CIBAR1: variants seen among roughly 807,000 people sequenced by gnomAD.
CIBAR1 encodes CBY1-interacting BAR domain-containing protein 1.
A neutral mutation model predicts 44.0 loss-of-function variants in CIBAR1; 25 were observed. The ratio of observed to expected loss-of-function variants is 0.57; its 90% CI spans 0.41 to 0.79. The LOEUF (loss-of-function observed/expected upper bound fraction) is 0.79. CIBAR1 is among the 30% of genes least tolerant of loss of function. The pLI, the probability that CIBAR1 is intolerant of heterozygous loss-of-function variation, is 0.00. For missense variants in CIBAR1, 278 were observed against 344.8 expected, an observed-to-expected ratio of 0.81 and a Z score of 1.53; for synonymous variants, 115 against 119.0, an observed-to-expected ratio of 0.97 and a Z score of 0.22.
In CIBAR1 at chr8:93,728,368, A is replaced by C; in HGVS notation, c.*71A>C. 9.8e-7 allele frequency: 1 copy of C among 1,015,252 alleles called. No individual in the cohort carries two copies. Among genetic ancestry groups the C allele is most frequent in the Non-Finnish European group, 1.4e-6 (1 of 692,586 alleles). 62.9% of individuals were successfully genotyped at this position (1,015,252 alleles called of 1,614,324 possible). A position where few individuals can be genotyped will look rare whatever the true frequency, so the allele number is the denominator to read the frequency against. ...GACTAAATTGTAGAACTTTATACTC[A>C]CTTTGCTATGTTAAGCCTCAAAGTG... On this transcript the variant is annotated 3_prime_UTR_variant, in exon 9 of 9. Transcript: ENST00000518322.
intron 6 of CIBAR1, among the ~76,000 whole-genome samples, chr8:93,711,748 T>C (rs553251421): frequency 3.3e-5 from 5 of 152,346 alleles, no homozygotes; most frequent in African/African-American, 9.6e-5. Context: ...TCATTGTTCC[T>C]CAGACCTGCA....
At chr8:93,726,988 CTT>C (rs1811542637) in intron 8 of CIBAR1, 1 of 418,604 alleles carries the variant, frequency 2.4e-6, no homozygotes, top group Non-Finnish European at 4.6e-6. Context: ...GGCTGACAAA[CTT>C]TTTCTTTAAG....
At chr8:93,702,853 CA>C (rs1425198759) in intron 2 of CIBAR1, among the ~76,000 whole-genome samples, 3 of 151,854 alleles carry the variant, frequency 2.0e-5, no homozygotes, top group African/African-American at 7.3e-5. Flanking sequence ...TCATTTTAAG[CA>C]ATTGAATACA....
Position 93,705,026 on chromosome 8 carries a change from G to C in CIBAR1, c.432+16G>C, listed in dbSNP as rs1432319937. ...ACATGTTATTGTATCCTTTGAATTT[G>C]GGTCTTTAAAAAAATGTTTAAGGTA... On this transcript the variant is annotated intron_variant, in intron 4 of 8. Coordinates refer to ENST00000518322, the MANE Select transcript of CIBAR1 (RefSeq NM_145269.5). 7 of 1,585,638 alleles carry C rather than the reference G, an allele frequency of 4.4e-6. No homozygotes were observed. The highest frequency in any genetic ancestry group is 5.2e-6 in the Non-Finnish European group (6 of 1,156,178).
intron 8 of CIBAR1, 60 bp downstream of exon 8, chr8:93,726,573 C>A: frequency 6.3e-7 from 1 of 1,585,992 alleles, no homozygotes; most frequent in Non-Finnish European, 8.6e-7. Context: ...TTGTTGAGTT[C>A]TAAAAATGTT....
At chr8:93,715,740 A>AT (rs1246624403) in intron 6 of CIBAR1, 3 of 152,112 alleles carry the variant, frequency 2.0e-5, no homozygotes, top group African/African-American at 7.2e-5. Context: ...GATCCATATC[A>AT]TTTTTTTGTT....
chr8:93,706,952 C>A (rs1185837086), intron 4 of CIBAR1, among the ~76,000 whole-genome samples: 1 of 151,996 alleles, frequency 6.6e-6, no homozygotes, highest in Non-Finnish European at 1.5e-5. Context: ...AAATGGAGTC[C>A]CTCTGATAGA....
intron 3 of CIBAR1, among the ~76,000 whole-genome samples, chr8:93,704,042 C>T (rs1310614355): frequency 1.0e-4 from 15 of 148,832 alleles, no homozygotes; most frequent in East Asian, 7.9e-4. Flanking sequence ...CCAGCACAGG[C>T]GACAGTGTGA....
rs766571233 is a variant in CIBAR1, at chr8:93,707,971, T to G, written c.433-40T>G. Reference sequence around the variant, plus strand: ...AAATTTATTGAAAAAGCTGTTATACTCTCTTTGAAATGTATTTTTTCCTTT... The same window carrying G: ...AAATTTATTGAAAAAGCTGTTATACGCTCTTTGAAATGTATTTTTTCCTTT... On this transcript the variant is annotated intron_variant, in intron 4 of 8. Coordinates refer to ENST00000518322, the MANE Select transcript of CIBAR1 (RefSeq NM_145269.5). 1.2e-5 allele frequency: 17 copies of G among 1,459,804 alleles called. No homozygotes were observed. In the South Asian group the frequency reaches 2.1e-4, roughly 18 times the overall value. 90.4% of individuals were successfully genotyped at this position (1,459,804 alleles called of 1,614,324 possible).
intron 6 of CIBAR1, among the ~76,000 whole-genome samples, chr8:93,716,748 A>C (rs2130346546): frequency 6.6e-6 from 1 of 152,198 alleles, no homozygotes; most frequent in Non-Finnish European, 1.5e-5. Context: ...ATACTTGCTT[A>C]TATTTTCTTG....
At chr8:93,704,269 T>A (rs564260670) in intron 3 of CIBAR1, among the ~76,000 whole-genome samples, 1 of 152,314 alleles carries the variant, frequency 6.6e-6, no homozygotes, top group Admixed American at 6.5e-5. Context: ...TATAAGTTTT[T>A]CTTTAAAGCG....
intron 6 of CIBAR1, 85 bp from the exon 7 acceptor site, chr8:93,718,590 C>T: frequency 3.0e-6 from 2 of 656,304 alleles, no homozygotes; most frequent in Non-Finnish European, 2.4e-6. Flanking sequence ...TTATAAAATA[C>T]CAAGACTATA....
intron 7 of CIBAR1, among the ~76,000 whole-genome samples, chr8:93,720,467 T>C (rs535494022): frequency 6.6e-6 from 1 of 152,338 alleles, no homozygotes; most frequent in South Asian, 2.1e-4. Flanking sequence ...CAGTTATATA[T>C]ACATATTTAT....
chr8:93,717,159 T>G (rs1811065515), intron 6 of CIBAR1, among the ~76,000 whole-genome samples: 1 of 152,218 alleles, frequency 6.6e-6, no homozygotes. Flanking sequence ...AGTTTACTTC[T>G]TGAGCATTAA....
At chr8:93,721,020 T>C (rs1413228169) in intron 7 of CIBAR1, 2 of 152,240 alleles carry the variant, frequency 1.3e-5, no homozygotes, top group African/African-American at 2.4e-5. Context: ...AAAGTACTTA[T>C]TTCTGATTTC....
Position 93,728,286 on chromosome 8 carries a change from T to G in CIBAR1, c.859T>G (p.Phe287Val), listed in dbSNP as rs190789560. The change falls in exon 9 of 9, where the codon TTT (phenylalanine) becomes GTT (valine). Residue 287 changes from phenylalanine to valine, a missense_variant. Phe to Val is a conservative substitution (Grantham distance 50). Around this residue, in one of 3 missense-constraint regions of CIBAR1, gnomAD observed 93 missense variants for 108.9 expected, o/e 0.85. Transcript: ENST00000518322. ...DELDVTEEEN[F>V]LK ...GTTAGATGTTACAGAAGAAGAAAAT[T>G]TTCTTAAGTAAACTACACATTTCCA... is the stretch of plus-strand genomic sequence containing the variant. The G allele has an allele frequency of 3.8e-5, 60 of 1,580,530 alleles. 1 individual carries two copies. In the East Asian group the frequency reaches 1.4e-3, roughly 36 times the overall value.
At chr8:93,728,092 CA>C (rs77899597) in intron 8 of CIBAR1, 112 bp from the exon 9 acceptor site, 153,511 of 530,650 alleles carry the variant, frequency 0.29, 22,035 homozygotes, top group South Asian at 0.34. Flanking sequence ...ATGACATGGA[CA>C]TTTTTTTGAA....
chr8:93,709,007 G>A (rs527515035), intron 5 of CIBAR1, among the ~76,000 whole-genome samples: 12 of 152,222 alleles, frequency 7.9e-5, no homozygotes, highest in African/African-American at 1.7e-4. Context: ...GGCCAGGTGC[G>A]GTGGCTTACA....
chr8:93,728,126 T>TTA, intron 8 of CIBAR1, 79 bp from the exon 9 acceptor site: 1 of 784,642 alleles, frequency 1.3e-6, no homozygotes, highest in Non-Finnish European at 1.9e-6. Flanking sequence ...TGCCCTTTAA[T>TTA]AGCATAAAAA....
Sources: allele counts gnomAD v4.1 joint callset (sites outside exome capture counted in the v4.1 genomes callset), GRCh38; gene constraint gnomAD v4.1.1; regional missense constraint gnomAD v4.1.1; transcripts MANE v1.5; gene names NCBI Gene and HGNC (gene_info 2026-07-23, HGNC 2026-07-21).